The following MPPED2 variants were observed in gnomAD, a reference collection of about 807,000 sequenced individuals.
MPPED2 encodes the protein metallophosphoesterase MPPED2.
Under a neutral mutation model 33.0 loss-of-function variants are expected in MPPED2, and 5 were observed. The observed-to-expected ratio is 0.15, with a 90% CI of 0.08 to 0.32. MPPED2 has a LOEUF of 0.32. Ranked by LOEUF, MPPED2 falls within the 10% of genes least tolerant of loss-of-function variation. The probability of loss-of-function intolerance (pLI) is 1.00; values close to 1 mark genes in which losing one functional copy is unlikely to be tolerated. For synonymous variants in MPPED2, 136 were observed against 141.9 expected, an observed-to-expected ratio of 0.96 and a Z score of 0.29; for missense variants, 275 against 372.1, an observed-to-expected ratio of 0.74 and a Z score of 2.15.
At chr11:30,398,650 C>A (rs2133704894) in intron 6 of MPPED2, among the ~76,000 whole-genome samples, 1 of 152,258 alleles carries the variant, frequency 6.6e-6, no homozygotes, top group South Asian at 2.1e-4. Context: ...TAACAAACCT[C>A]TCTTTTATTG....
At chr11:30,410,146 T>C (rs1948051297), downstream of MPPED2, 1 of 985,210 alleles carries the variant, frequency 1.0e-6, no homozygotes. Flanking sequence ...GCATTACTGA[T>C]GTTGCATATG....
At chr11:30,498,497 G>A (rs975774381) in intron 3 of MPPED2, among the ~76,000 whole-genome samples, 6 of 150,010 alleles carry the variant, frequency 4.0e-5, no homozygotes, top group Admixed American at 6.7e-5. Flanking sequence ...GCTGTGAGCC[G>A]AGATTGAACC....
intron 3 of MPPED2, among the ~76,000 whole-genome samples, chr11:30,522,351 T>G (rs1020728176): frequency 6.6e-6 from 1 of 151,568 alleles, no homozygotes; most frequent in Non-Finnish European, 1.5e-5. Flanking sequence ...AGGGGCATGA[T>G]GTCTATGACT....
chr11:30,439,239 A>C (rs1472739328), intron 4 of MPPED2, among the ~76,000 whole-genome samples: 1 of 152,218 alleles, frequency 6.6e-6, no homozygotes, highest in Non-Finnish European at 1.5e-5. Flanking sequence ...TATGGCAATT[A>C]TTCTATTTTA....
intron 4 of MPPED2, among the ~76,000 whole-genome samples, chr11:30,479,317 G>A (rs1004725075): frequency 2.6e-5 from 4 of 152,066 alleles, no homozygotes; most frequent in African/African-American, 9.7e-5. Flanking sequence ...AGTTTATAAA[G>A]ATGCATTTTT....
intron 3 of MPPED2, among the ~76,000 whole-genome samples, chr11:30,505,438 G>A (rs1952778653): frequency 6.6e-6 from 1 of 152,140 alleles, no homozygotes; most frequent in Non-Finnish European, 1.5e-5. Flanking sequence ...TTCTAAATGG[G>A]AATCCCTAGT....
chr11:30,452,645 A>C (rs1218725446), intron 4 of MPPED2, among the ~76,000 whole-genome samples: 1 of 152,178 alleles, frequency 6.6e-6, no homozygotes, highest in Non-Finnish European at 1.5e-5. Context: ...CTGGTTCATG[A>C]GCTCTGGAGT....
chr11:30,451,722 T>C (rs1950072617), intron 4 of MPPED2: 1 of 975,170 alleles, frequency 1.0e-6, no homozygotes, highest in Admixed American at 6.2e-5. Flanking sequence ...TTTGAAAGAA[T>C]ACAACTGTTT....
At chr11:30,585,788 T>C (rs2134983258) in intron 1 of MPPED2, among the ~76,000 whole-genome samples, 1 of 152,158 alleles carries the variant, frequency 6.6e-6, no homozygotes. Flanking sequence ...TTGCTTTCGC[T>C]CAGGGGTTGA....
intron 4 of MPPED2, among the ~76,000 whole-genome samples, chr11:30,476,689 TTA>T (rs990273597): frequency 5.9e-5 from 9 of 152,022 alleles, no homozygotes; most frequent in African/African-American, 1.7e-4. Flanking sequence ...CCATCAACTT[TTA>T]TTTTTTTATA....
chr11:30,543,615 C>A (rs935155952), intron 2 of MPPED2, among the ~76,000 whole-genome samples: 1 of 152,068 alleles, frequency 6.6e-6, no homozygotes, highest in African/African-American at 2.4e-5. Context: ...CACATATAAT[C>A]AGAATTAGCA....
intron 4 of MPPED2, among the ~76,000 whole-genome samples, chr11:30,462,678 G>A (rs752561058): frequency 3.2e-4 from 49 of 152,092 alleles, no homozygotes; most frequent in Non-Finnish European, 6.0e-4. Context: ...TCGCAAACAA[G>A]AAGTCTAATA....
chr11:30,566,027 AT>A (rs1414307303), intron 2 of MPPED2, among the ~76,000 whole-genome samples: 1 of 152,072 alleles, frequency 6.6e-6, no homozygotes, highest in African/African-American at 2.4e-5. Context: ...TAAAAAAAAA[AT>A]GTAGAGTTGT....
intron 4 of MPPED2, among the ~76,000 whole-genome samples, chr11:30,475,824 T>C (rs879913932): frequency 3.9e-5 from 6 of 152,128 alleles, no homozygotes; most frequent in East Asian, 1.9e-4. Context: ...TTTAAGAAAC[T>C]GCCAAAAAGT....
At chr11:30,483,021 A>G (rs1441095440) in intron 4 of MPPED2, among the ~76,000 whole-genome samples, 1 of 152,188 alleles carries the variant, frequency 6.6e-6, no homozygotes, top group Non-Finnish European at 1.5e-5. Context: ...TGAATGTAGC[A>G]AGGCACTCAA....
chr11:30,585,345 G>A (rs1263234144), intron 1 of MPPED2, among the ~76,000 whole-genome samples: 1 of 152,004 alleles, frequency 6.6e-6, no homozygotes, highest in African/African-American at 2.4e-5. Flanking sequence ...GGGGCGCGGG[G>A]ACGGGGTGAG....
chr11:30,466,560 T>C (rs1950715968), intron 4 of MPPED2, among the ~76,000 whole-genome samples: 1 of 152,298 alleles, frequency 6.6e-6, no homozygotes. Context: ...ATCTGCCCTT[T>C]GATGCAGAGG....
chr11:30,537,217 G>A (rs757079288), intron 2 of MPPED2, among the ~76,000 whole-genome samples: 9 of 152,158 alleles, frequency 5.9e-5, no homozygotes, highest in Non-Finnish European at 1.0e-4. Flanking sequence ...ACTCTACACT[G>A]ACAGCCTCCT....
At chr11:30,566,292 C>T (rs1049876010) in intron 2 of MPPED2, among the ~76,000 whole-genome samples, 12 of 152,120 alleles carry the variant, frequency 7.9e-5, no homozygotes, top group African/African-American at 2.4e-4. Flanking sequence ...TTTCCGATGC[C>T]TCCATTTTAA....
Sources: gnomAD v4.1 joint callset for allele counts (sites outside exome capture counted in the v4.1 genomes callset) on GRCh38, gnomAD v4.1.1 for gene constraint, MANE v1.5 for transcripts, NCBI Gene and HGNC (gene_info 2026-07-23, HGNC 2026-07-21) for gene names.